ZMAT4: variants seen among roughly 807,000 people sequenced by gnomAD.
The protein encoded by ZMAT4 is zinc finger matrin-type protein 4.
In ZMAT4, 17 loss-of-function variants were observed where a neutral mutation model predicts 28.7. The observed-to-expected ratio is 0.59, with a 90% confidence interval of 0.41 to 0.89. The LOEUF (loss-of-function observed/expected upper bound fraction) is 0.89. ZMAT4 is among the 40% of genes least tolerant of loss of function. ZMAT4 has a pLI of 0.00. For synonymous variants in ZMAT4, 117 were observed against 109.2 expected (o/e 1.07, Z -0.44); for missense variants, 240 against 283.8 (o/e 0.85, Z 1.11).
intron 2 of ZMAT4, among the ~76,000 whole-genome samples, chr8:40,768,919 A>G (rs766654034): frequency 7.2e-5 from 11 of 152,062 alleles, no homozygotes; most frequent in Non-Finnish European, 1.5e-4. Context: ...ATGGTGGTTT[A>G]CTTTTATGAA....
intron 5 of ZMAT4, among the ~76,000 whole-genome samples, chr8:40,645,249 C>T (rs1280560071): frequency 1.3e-5 from 2 of 152,004 alleles, no homozygotes; most frequent in Admixed American, 6.6e-5. Context: ...TAAAACTATT[C>T]TAAAATAAAA....
chr8:40,753,512 C>T (rs1387263910), intron 3 of ZMAT4, among the ~76,000 whole-genome samples: 4 of 152,046 alleles, frequency 2.6e-5, no homozygotes, highest in African/African-American at 7.2e-5. Flanking sequence ...AATATTTGTA[C>T]GATTTTTAAA....
At chr8:40,603,795 AT>A (rs954939375) in intron 5 of ZMAT4, among the ~76,000 whole-genome samples, 1 of 151,434 alleles carries the variant, frequency 6.6e-6, no homozygotes, top group Admixed American at 6.6e-5. Flanking sequence ...TGTCCAGCTA[AT>A]TTTTTTTGTA....
chr8:40,711,194 T>C (rs552454470), intron 3 of ZMAT4, among the ~76,000 whole-genome samples: 5 of 152,260 alleles, frequency 3.3e-5, no homozygotes, highest in East Asian at 3.9e-4. Flanking sequence ...TAGACACTGA[T>C]AAAAGAAAAG....
chr8:40,548,253 G>A (rs1803263003), intron 6 of ZMAT4, among the ~76,000 whole-genome samples: 2 of 151,956 alleles, frequency 1.3e-5, no homozygotes, highest in African/African-American at 4.8e-5. Flanking sequence ...CAGAGTGGGT[G>A]GTTTGATCAT....
chr8:40,881,305 C>T (rs893984057), intron 1 of ZMAT4, among the ~76,000 whole-genome samples: 1 of 151,414 alleles, frequency 6.6e-6, no homozygotes, highest in Non-Finnish European at 1.5e-5. Flanking sequence ...AGGAGAATCA[C>T]CTGAGCCCAG....
intron 1 of ZMAT4, among the ~76,000 whole-genome samples, chr8:40,870,860 C>T (rs1261502606): frequency 6.6e-6 from 1 of 152,176 alleles, no homozygotes; most frequent in Non-Finnish European, 1.5e-5. Context: ...ATTCCCTTAC[C>T]AGGCTAAAGA....
intron 5 of ZMAT4, among the ~76,000 whole-genome samples, chr8:40,634,135 TA>T (rs1806703621): frequency 6.6e-6 from 1 of 151,898 alleles, no homozygotes; most frequent in African/African-American, 2.4e-5. Context: ...AACATTATCT[TA>T]AAAAAAAGTT....
chr8:40,862,218 C>T (rs1221780859), intron 1 of ZMAT4, among the ~76,000 whole-genome samples: 1 of 152,116 alleles, frequency 6.6e-6, no homozygotes, highest in Non-Finnish European at 1.5e-5. Context: ...GGCACATATA[C>T]ACCATGGAAT....
intron 2 of ZMAT4, among the ~76,000 whole-genome samples, chr8:40,768,551 G>A (rs1406593947): frequency 6.6e-6 from 1 of 152,146 alleles, no homozygotes; most frequent in Admixed American, 6.5e-5. Context: ...AACACTAAGA[G>A]TCATCACACA....
At chr8:40,546,644 A>C (rs1179031683) in intron 6 of ZMAT4, among the ~76,000 whole-genome samples, 1 of 152,168 alleles carries the variant, frequency 6.6e-6, no homozygotes, top group South Asian at 2.1e-4. Flanking sequence ...TCCTCACAGG[A>C]AAGTGCCAGT....
chr8:40,532,621 A>G (rs1161115063), intron 6 of ZMAT4, among the ~76,000 whole-genome samples: 5 of 152,192 alleles, frequency 3.3e-5, no homozygotes, highest in Admixed American at 3.3e-4. Context: ...GGAGAGCAAC[A>G]TTACAGTGGC....
At chr8:40,622,201 A>G (rs1806226517) in intron 5 of ZMAT4, among the ~76,000 whole-genome samples, 1 of 152,238 alleles carries the variant, frequency 6.6e-6, no homozygotes, top group African/African-American at 2.4e-5. Flanking sequence ...ATATGTTTAA[A>G]TTATAAGATA....
chr8:40,837,026 A>G (rs1266359333), intron 1 of ZMAT4, among the ~76,000 whole-genome samples: 2 of 152,244 alleles, frequency 1.3e-5, no homozygotes, highest in African/African-American at 4.8e-5. Flanking sequence ...CCATGTACAC[A>G]ATAATGATGA....
chr8:40,679,165 C>T (rs1260604141), intron 4 of ZMAT4, among the ~76,000 whole-genome samples: 1 of 152,156 alleles, frequency 6.6e-6, no homozygotes, highest in East Asian at 1.9e-4. Flanking sequence ...TTCAACATCA[C>T]TCTTAGTACC....
At chr8:40,722,149 G>T (rs984676011) in intron 3 of ZMAT4, among the ~76,000 whole-genome samples, 59 of 151,986 alleles carry the variant, frequency 3.9e-4, no homozygotes, top group Non-Finnish European at 7.4e-4. Context: ...AAAAGCAATG[G>T]CAACAAAAGC....
intron 3 of ZMAT4, among the ~76,000 whole-genome samples, chr8:40,712,373 C>A (rs771155577): frequency 1.3e-5 from 2 of 152,220 alleles, no homozygotes; most frequent in Non-Finnish European, 2.9e-5. Context: ...AAAGATAAGA[C>A]ATGGAGGATA....
intron 2 of ZMAT4, 69 bp downstream of exon 2, chr8:40,825,506 A>C (rs1438046115): frequency 1.5e-6 from 2 of 1,314,814 alleles, no homozygotes; most frequent in Admixed American, 4.0e-5. Flanking sequence ...AGGATCCTGG[A>C]GTCCTACAAC....
chr8:40,790,091 C>T (rs1465174197), intron 2 of ZMAT4, among the ~76,000 whole-genome samples: 1 of 152,148 alleles, frequency 6.6e-6, no homozygotes, highest in African/African-American at 2.4e-5. Flanking sequence ...CCCTGCCTGC[C>T]TTTGAGTCTC....
Sources: gnomAD v4.1 joint callset for allele counts (sites outside exome capture counted in the v4.1 genomes callset) on GRCh38, gnomAD v4.1.1 for gene constraint, MANE v1.5 for transcripts, NCBI Gene and HGNC (gene_info 2026-07-23, HGNC 2026-07-21) for gene names.